UGT1A7: variants seen among roughly 807,000 people sequenced by gnomAD.
The protein encoded by UGT1A7 is UDP glucuronosyltransferase family 1 member A7, also known as UDP-glucuronosyltransferase 1A7.
UGT1A7 carries 33 observed loss-of-function variants against 45.6 expected under a neutral mutation model. That is an observed-to-expected ratio of 0.72 (90% CI 0.55 to 0.97). The LOEUF (loss-of-function observed/expected upper bound fraction) is 0.97. UGT1A7 is among the 50% of genes least tolerant of loss of function. The pLI, the probability that UGT1A7 is intolerant of heterozygous loss-of-function variation, is 0.00. For synonymous variants in UGT1A7, 274 were observed against 250.6 expected (o/e 1.09, Z -0.88); for missense variants, 684 against 666.2 (o/e 1.03, Z -0.29).
chr2:233,730,639 T>C (rs1444875009), intron 1 of UGT1A7, among the ~76,000 whole-genome samples: 1 of 152,130 alleles, frequency 6.6e-6, no homozygotes, highest in African/African-American at 2.4e-5. Context: ...TGGTGCATGA[T>C]GTGGGGACAT....
chr2:233,718,877 C>T, intron 1 of UGT1A7: 3 of 1,613,970 alleles, frequency 1.9e-6, no homozygotes, highest in Non-Finnish European at 2.5e-6. Context: ...TGCTGCTCCT[C>T]CTCAGTGTCC....
chr2:233,756,397 G>C (rs553407927), intron 1 of UGT1A7: 1 of 151,856 alleles, frequency 6.6e-6, no homozygotes. Flanking sequence ...TACAGTATTG[G>C]TTTTTTATTT....
chr2:233,757,558 A>ATG lies in UGT1A7; in HGVS notation c.856-9475_856-9474insGT, dbSNP rs896198958. On this transcript the variant is annotated intron_variant, in intron 1 of 4. Coordinates refer to ENST00000373426, the MANE Select transcript of UGT1A7 (RefSeq NM_019077.3). ...GGAATATATATATATATATATATAT[A>ATG]TATGTATATATGATATAGCTATAGT... is the stretch of plus-strand genomic sequence containing the variant. Among the ~76,000 whole-genome samples, 13 of 124,446 alleles carry ATG rather than the reference A, an allele frequency of 1.0e-4. 1 individual carries two copies. The highest frequency in any genetic ancestry group is 1.7e-4 in the Non-Finnish European group (10 of 60,604). 81.6% of individuals were successfully genotyped at this position (124,446 alleles called of 152,430 possible).
intron 1 of UGT1A7, among the ~76,000 whole-genome samples, chr2:233,758,159 G>C (rs1281366344): frequency 2.6e-5 from 4 of 152,206 alleles, no homozygotes; most frequent in Non-Finnish European, 5.9e-5. Flanking sequence ...AATGGGTTCT[G>C]CTTTGGTTTC....
intron 1 of UGT1A7, among the ~76,000 whole-genome samples, chr2:233,711,301 G>T (rs1575495377): frequency 6.6e-6 from 1 of 152,358 alleles, no homozygotes; most frequent in East Asian, 1.9e-4. Flanking sequence ...GTAGAAATTA[G>T]ATGACATTGG....
At chr2:233,763,407 T>C (rs888338345) in intron 1 of UGT1A7, among the ~76,000 whole-genome samples, 1 of 152,240 alleles carries the variant, frequency 6.6e-6, no homozygotes, top group African/African-American at 2.4e-5. Flanking sequence ...GCACTGGTAT[T>C]TTTAATCCAG....
chr2:233,757,867 T>C (rs1324450785), intron 1 of UGT1A7, among the ~76,000 whole-genome samples: 1 of 151,950 alleles, frequency 6.6e-6, no homozygotes. Context: ...AAAAAGAAAG[T>C]AGCTTCAAAA....
intron 1 of UGT1A7, among the ~76,000 whole-genome samples, chr2:233,751,632 T>C (rs1694768911): frequency 1.3e-5 from 2 of 152,196 alleles, no homozygotes; most frequent in Non-Finnish European, 2.9e-5. Context: ...ATGTGTGCAG[T>C]TTCCCCCTTG....
chr2:233,718,966 G>C (rs201968211), intron 1 of UGT1A7: 2 of 1,614,188 alleles, frequency 1.2e-6, no homozygotes, highest in South Asian at 2.2e-5. Flanking sequence ...GAGGCCTTGC[G>C]GGAGCTCCAT....
intron 1 of UGT1A7, chr2:233,708,404 A>G (rs984194776): frequency 2.6e-4 from 39 of 152,096 alleles, no homozygotes; most frequent in African/African-American, 9.4e-4. Context: ...ACTTTCATCA[A>G]GTTGTTTCAC....
At chr2:233,686,703 C>T (rs1289178074) in intron 1 of UGT1A7, among the ~76,000 whole-genome samples, 1 of 152,174 alleles carries the variant, frequency 6.6e-6, no homozygotes, top group Non-Finnish European at 1.5e-5. Flanking sequence ...CTCTGGCCTG[C>T]ACCCTCCCAC....
At chr2:233,732,709 C>G (rs540969589) in intron 1 of UGT1A7, among the ~76,000 whole-genome samples, 1 of 150,878 alleles carries the variant, frequency 6.6e-6, no homozygotes, top group African/African-American at 2.4e-5. Context: ...GTTACTGTAG[C>G]CTTGTAGTAC....
At chr2:233,693,293 A>G (rs978243780) in intron 1 of UGT1A7, 6 of 1,614,104 alleles carry the variant, frequency 3.7e-6, no homozygotes, top group African/African-American at 1.3e-5. Context: ...ATTTGGAAAC[A>G]ATCACTTTGC....
intron 1 of UGT1A7, chr2:233,693,589 C>A: frequency 6.2e-7 from 1 of 1,614,210 alleles, no homozygotes; most frequent in African/African-American, 1.3e-5. Context: ...TTCCCAGGTG[C>A]TACACAAAGT....
At chr2:233,754,637 G>C (rs1695540827) in intron 1 of UGT1A7, 2 of 446,646 alleles carry the variant, frequency 4.5e-6, no homozygotes, top group African/African-American at 4.1e-5. Context: ...CCCTTTCTTG[G>C]CCATTCTCAA....
At chr2:233,770,794 T>A (rs1195503821) in intron 4 of UGT1A7, 2 of 152,196 alleles carry the variant, frequency 1.3e-5, no homozygotes, top group Non-Finnish European at 2.9e-5. Flanking sequence ...ATTATAGATA[T>A]GTTTAAAGAC....
At chr2:233,748,166 C>T in intron 1 of UGT1A7, 1 of 1,593,318 alleles carries the variant, frequency 6.3e-7, no homozygotes, top group South Asian at 1.1e-5. Context: ...TCCATATCTA[C>T]TTATCTTTCT....
chr2:233,741,884 A>C (rs1310090539), intron 1 of UGT1A7: 1 of 151,868 alleles, frequency 6.6e-6, no homozygotes, highest in South Asian at 2.1e-4. Flanking sequence ...AGGTGACCCT[A>C]GAAGAAGGGA....
chr2:233,763,832 A>C (rs1698407491), intron 1 of UGT1A7, among the ~76,000 whole-genome samples: 2 of 152,232 alleles, frequency 1.3e-5, no homozygotes, highest in South Asian at 4.1e-4. Context: ...CTCCCCTGCC[A>C]GGGTAAGATA....
Sources: allele counts gnomAD v4.1 joint callset (sites outside exome capture counted in the v4.1 genomes callset), GRCh38; gene constraint gnomAD v4.1.1; transcripts MANE v1.5; gene names NCBI Gene and HGNC (gene_info 2026-07-23, HGNC 2026-07-21).